CRBN: variants seen among roughly 807,000 people sequenced by gnomAD.
CRBN encodes protein cereblon.
Under a neutral mutation model 62.2 loss-of-function variants are expected in CRBN, and 53 were observed. That is an observed-to-expected ratio of 0.85 (90% CI 0.68 to 1.07). The LOEUF (loss-of-function observed/expected upper bound fraction) is 1.07. Among genes scored for constraint, CRBN ranks in the 50% least tolerant of loss-of-function variants. The pLI is 0.00. For synonymous variants in CRBN, 208 were observed against 176.1 expected, an observed-to-expected ratio of 1.18 and a Z score of -1.43; for missense variants, 616 against 531.1, an observed-to-expected ratio of 1.16 and a Z score of -1.57.
chr3:3,176,416 A>G (rs372915622), intron 1 of CRBN, among the ~76,000 whole-genome samples: 29 of 147,910 alleles, frequency 2.0e-4, no homozygotes, highest in Middle Eastern at 6.8e-3. Flanking sequence ...TCTAGTGACA[A>G]CATTTCCCTG....
In CRBN at chr3:3,152,445, C is replaced by G. The variant is rs1426126500; in HGVS notation, c.1148+11G>C. 6.2e-7 allele frequency: 1 copy of G among 1,612,808 alleles called. No individual in the cohort carries two copies. The highest frequency in any genetic ancestry group is 1.3e-5 in the African/African-American group (1 of 74,886). ...AAAGAAAAAAAAAAGCAACCACCAC[C>G]ATAATATTACCCAGGAAACCAGCTG... On this transcript the variant is annotated intron_variant, in intron 10 of 10. Coordinates refer to ENST00000231948, the MANE Select transcript of CRBN (RefSeq NM_016302.4).
At chr3:3,164,597 C>T (rs1705814) in intron 5 of CRBN, among the ~76,000 whole-genome samples, 69,188 of 152,036 alleles carry the variant, frequency 0.46, 17,883 homozygotes, top group Middle Eastern at 0.63. Context: ...GAACAAAGTC[C>T]GGATGACAGA....
intron 5 of CRBN, among the ~76,000 whole-genome samples, chr3:3,159,224 A>G (rs1707036009): frequency 6.6e-6 from 1 of 152,184 alleles, no homozygotes; most frequent in African/African-American, 2.4e-5. Context: ...CTATTTTTAT[A>G]CATTTAGGCT....
chr3:3,160,370 T>A lies in CRBN; in HGVS notation c.688-4089A>T, dbSNP rs568274415. 7.2e-5 allele frequency among the ~76,000 whole-genome samples: 11 copies of A among 152,328 alleles called. No individual in the cohort carries two copies. The South Asian group carries it at 2.3e-3, about 32-fold the overall frequency. ...TCAGCAATGTAAATGACAGAAATAA[T>A]TTATATAAATAATTAAAAAGTTACC... On this transcript the variant is annotated intron_variant, in intron 5 of 10. Coordinates refer to ENST00000231948, the MANE Select transcript of CRBN (RefSeq NM_016302.4).
intron 9 of CRBN, chr3:3,153,120 A>G (rs189058458): frequency 3.7e-5 from 13 of 349,862 alleles, no homozygotes; most frequent in African/African-American, 2.1e-4. Flanking sequence ...TGAAGCATCT[A>G]TGTTAGGGCC....
chr3:3,178,892 T>C (rs1259704045), intron 1 of CRBN, among the ~76,000 whole-genome samples: 1 of 152,200 alleles, frequency 6.6e-6, no homozygotes, highest in Non-Finnish European at 1.5e-5. Context: ...CATGCATTTT[T>C]TTTTTTGTTC....
Position 3,156,234 on chromosome 3 carries a change from A to G in CRBN, c.735T>C (p.Tyr245=), listed in dbSNP as rs17027638. The G allele has an allele frequency of 0.064, 103,704 of 1,613,592 alleles. 18,029 individuals carry two copies. The East Asian group carries it at 0.7, about 11-fold the overall frequency. ...ANLTSWPRWL[Y]SLYDAETLMD... Reference sequence around the variant, plus strand: ...AGTTACTTACAGCATCATATAAGGAATACAGCCAGCGAGGCCATGAAGTTA... The same window carrying G: ...AGTTACTTACAGCATCATATAAGGAGTACAGCCAGCGAGGCCATGAAGTTA... The change falls in exon 6 of 11, where the codon TAT becomes TAC. Residue 245 remains tyrosine (Y), a synonymous_variant. Transcript: ENST00000231948.
At chr3:3,174,009 A>C (rs1192419866) in intron 3 of CRBN, 50 bp downstream of exon 3, 1 of 1,473,554 alleles carries the variant, frequency 6.8e-7, no homozygotes, top group African/African-American at 1.4e-5. Flanking sequence ...TGACCACTGC[A>C]ATTACCCATG....
Position 3,155,799 on chromosome 3 carries a change from T to C in CRBN, c.750+420A>G, listed in dbSNP as rs561431153. 5 of 159,646 alleles carry C rather than the reference T, an allele frequency of 3.1e-5. No homozygotes were observed. In the East Asian group the frequency reaches 1.0e-3, roughly 33 times the overall value. The allele number at this position is 159,646 out of a possible 1,614,324, so 9.9% of individuals were successfully genotyped here. A position where few individuals can be genotyped will look rare whatever the true frequency, so the allele number is the denominator to read the frequency against. On this transcript the variant is annotated intron_variant, in intron 6 of 10. Coordinates refer to ENST00000231948, the MANE Select transcript of CRBN (RefSeq NM_016302.4). ...ACATGCTTAATAAAACTCTAAAGAG[T>C]CTTGTGATACCTTTTTTTTTCCCTT...
Position 3,174,163 on chromosome 3 carries a change from C to T in CRBN, c.273G>A (p.Leu91=), listed in dbSNP as rs774871991. 4.3e-6 allele frequency: 7 copies of T among 1,614,154 alleles called. No homozygotes were observed. Among genetic ancestry groups the T allele is most frequent in the Non-Finnish European group, 5.1e-6 (6 of 1,180,006 alleles). ...IPVLPQVMMI[L]IPGQTLPLQL... The stretch of plus-strand genomic sequence containing the variant: ...GAAGAGGTAATGTCTGTCCGGGAAT[C>T]AGGATCATCATCACTTGTGGAAGAA... Residue 91 remains leucine, a synonymous_variant, in exon 3 of 11, where the codon CTG becomes CTA. Transcript: ENST00000231948.
intron 6 of CRBN, 37 bp downstream of exon 6, chr3:3,156,182 T>C: frequency 2.0e-6 from 3 of 1,528,698 alleles, no homozygotes; most frequent in Non-Finnish European, 2.7e-6. Context: ...TGACATGGCC[T>C]ACCATATATA....
chr3:3,158,288 C>T (rs572382398), intron 5 of CRBN, among the ~76,000 whole-genome samples: 1 of 152,312 alleles, frequency 6.6e-6, no homozygotes, highest in Non-Finnish European at 1.5e-5. Flanking sequence ...AGAGGTGGCG[C>T]TCAGCTTCAC....
intron 6 of CRBN, 69 bp downstream of exon 6, chr3:3,156,150 G>C: frequency 1.0e-5 from 14 of 1,336,112 alleles, no homozygotes; most frequent in Non-Finnish European, 1.5e-5. Flanking sequence ...CTAAACCTTT[G>C]TTTTTTAATG....
At position 3,150,839 on chromosome 3, in the gene CRBN, G is replaced by C; in HGVS notation, c.*26C>G. The C allele has an allele frequency of 2.3e-6, 2 of 866,496 alleles. No individual in the cohort carries two copies. Among genetic ancestry groups the C allele is most frequent in the Non-Finnish European group, 3.6e-6 (2 of 548,306 alleles). The allele number at this position is 866,496 out of a possible 1,614,324, so 53.7% of individuals were successfully genotyped here. On this transcript the variant is annotated 3_prime_UTR_variant, in exon 11 of 11. Transcript: ENST00000231948. ...ATCTTAGAATATAACCAATTTGTTA[G>C]ATAACTTTATCTCTATCACATCTGT...
intron 7 of CRBN, chr3:3,154,542 T>G: frequency 1.8e-6 from 1 of 560,056 alleles, no homozygotes; most frequent in Non-Finnish European, 3.2e-6. Context: ...AAAATTGGAG[T>G]GCTCACAGAA....
chr3:3,157,766 GT>G (rs1245988058), intron 5 of CRBN, among the ~76,000 whole-genome samples: 1 of 152,192 alleles, frequency 6.6e-6, no homozygotes, highest in Non-Finnish European at 1.5e-5. Context: ...AGCTATGTTA[GT>G]TTGGTGCAAA....
chr3:3,156,347 C>G (rs1171990561), intron 5 of CRBN, 66 bp from the exon 6 acceptor site: 6 of 1,395,350 alleles, frequency 4.3e-6, no homozygotes, highest in Non-Finnish European at 6.1e-6. Flanking sequence ...CTGGAATGAG[C>G]AACATCTGAA....
At chr3:3,162,684 A>G (rs891498746) in intron 5 of CRBN, among the ~76,000 whole-genome samples, 2 of 152,154 alleles carry the variant, frequency 1.3e-5, no homozygotes, top group African/African-American at 4.8e-5. Context: ...GGAAGACTAC[A>G]ATCCTCGATA....
chr3:3,162,652 A>T (rs1707187309), intron 5 of CRBN, among the ~76,000 whole-genome samples: 1 of 152,184 alleles, frequency 6.6e-6, no homozygotes, highest in African/African-American at 2.4e-5. Context: ...GTGCAGTTTC[A>T]AAGTTAATTG....
Sources: gnomAD v4.1 joint callset for allele counts (sites outside exome capture counted in the v4.1 genomes callset) on GRCh38, gnomAD v4.1.1 for gene constraint, MANE v1.5 for transcripts, NCBI Gene and HGNC (gene_info 2026-07-23, HGNC 2026-07-21) for gene names.